Variants in XIRP2 observed in about 807,000 individuals in gnomAD.
XIRP2 encodes the protein xin actin-binding repeat-containing protein 2.
In XIRP2, 236 loss-of-function variants were observed where a neutral mutation model predicts 277.0. The observed-to-expected ratio is 0.85, with a 90% CI of 0.77 to 0.95. The LOEUF is 0.95. Ranked by LOEUF, XIRP2 falls within the 40% of genes least tolerant of loss-of-function variation. XIRP2 has a pLI of 0.00. For missense variants in XIRP2, 4,640 were observed against 4,157.5 expected (o/e 1.12, Z -3.19); for synonymous variants, 1,490 against 1,416.5 (o/e 1.05, Z -1.17).
Position 167,026,221 on chromosome 2 carries a change from G to A in XIRP2, c.409-109688G>A, listed in dbSNP as rs373223552. ...TTACCATTATGTAATGGCCTTCTTT[G>A]TCTCTTTTGAGCTTTGTTGGTTTGA... is the stretch of plus-strand genomic sequence containing the variant. On this transcript the variant is annotated intron_variant, in intron 2 of 10. Coordinates refer to ENST00000409195, the MANE Select transcript of XIRP2 (RefSeq NM_152381.6). Among the ~76,000 whole-genome samples, 8 of 152,050 alleles carry A rather than the reference G, an allele frequency of 5.3e-5. No homozygotes were observed. The East Asian group carries it at 9.6e-4, about 18-fold the overall frequency.
intron 2 of XIRP2, among the ~76,000 whole-genome samples, chr2:167,075,590 T>A (rs1689543959): frequency 1.3e-5 from 2 of 152,340 alleles, no homozygotes; most frequent in South Asian, 2.1e-4. Context: ...TAAAGCATTA[T>A]AATTTATAGC....
chr2:167,166,314 A>C (rs1385918602), intron 3 of XIRP2, among the ~76,000 whole-genome samples: 1 of 152,148 alleles, frequency 6.6e-6, no homozygotes, highest in Admixed American at 6.5e-5. Context: ...ATTGTAGTCT[A>C]AGGATAGACA....
intron 3 of XIRP2, among the ~76,000 whole-genome samples, chr2:167,153,085 G>A (rs1429195745): frequency 1.3e-5 from 2 of 152,062 alleles, no homozygotes; most frequent in African/African-American, 4.8e-5. Context: ...GCCCTCTGTG[G>A]AGTGTATCTC....
At chr2:166,908,389 G>A (rs563479895) in intron 2 of XIRP2, among the ~76,000 whole-genome samples, 152 of 152,270 alleles carry the variant, frequency 1.0e-3, no homozygotes, top group African/African-American at 3.3e-3. Context: ...TTTTTCATGT[G>A]TGTGTTGGCT....
At chr2:167,120,283 A>G (rs544008634) in intron 2 of XIRP2, among the ~76,000 whole-genome samples, 2 of 152,322 alleles carry the variant, frequency 1.3e-5, no homozygotes, top group African/African-American at 2.4e-5. Context: ...CAGACAGCAT[A>G]GTCGCCATGG....
Position 167,072,498 on chromosome 2 carries a change from T to C in XIRP2, c.409-63411T>C, listed in dbSNP as rs933327232. On this transcript the variant is annotated intron_variant, in intron 2 of 10. Transcript: ENST00000409195. The stretch of plus-strand genomic sequence containing the variant: ...TCCGCTGGTGTTCTGATTTTCTTTG[T>C]CATAGCAATGATTACACTTCCCTTA... 3.1e-4 allele frequency among the ~76,000 whole-genome samples: 47 copies of C among 152,180 alleles called. 1 individual carries two copies. Among genetic ancestry groups the C allele is most frequent in the Non-Finnish European group, 2.9e-5 (2 of 68,028 alleles).
intron 2 of XIRP2, among the ~76,000 whole-genome samples, chr2:166,909,173 T>C (rs1279085663): frequency 3.3e-5 from 5 of 152,196 alleles, no homozygotes; most frequent in Non-Finnish European, 5.9e-5. Flanking sequence ...GGTAGCTTGA[T>C]GGGGATGGCA....
chr2:167,042,049 G>C (rs549081997), intron 2 of XIRP2, among the ~76,000 whole-genome samples: 1 of 152,222 alleles, frequency 6.6e-6, no homozygotes, highest in South Asian at 2.1e-4. Flanking sequence ...CATCTTTAAA[G>C]AAAAGAAATT....
chr2:167,176,127 G>T lies in XIRP2; in HGVS notation c.563-34608G>T, dbSNP rs556425303. Among the ~76,000 whole-genome samples, 6 of 152,244 alleles carry T rather than the reference G, an allele frequency of 3.9e-5. No individual in the cohort carries two copies. In the South Asian group the frequency reaches 1.2e-3, roughly 32 times the overall value. On this transcript the variant is annotated intron_variant, in intron 3 of 10. Transcript: ENST00000409195. ...CAGCCCCCTTTCCAGGGGAGTGAAC[G>T]GTTCTGTCTCGTTGGCATTCCAGGT...
At chr2:167,199,096 A>T (rs961984292) in intron 3 of XIRP2, among the ~76,000 whole-genome samples, 3 of 152,208 alleles carry the variant, frequency 2.0e-5, no homozygotes, top group Non-Finnish European at 2.9e-5. Context: ...TGAGAGTTGG[A>T]TTTGATGATC....
intron 1 of XIRP2, among the ~76,000 whole-genome samples, chr2:166,892,409 A>C (rs530366360): frequency 1.3e-5 from 2 of 152,182 alleles, no homozygotes; most frequent in Non-Finnish European, 2.9e-5. Flanking sequence ...GAAAAGAGAC[A>C]TGTGTTGATC....
At chr2:167,103,416 T>G (rs990290066) in intron 2 of XIRP2, among the ~76,000 whole-genome samples, 3 of 152,200 alleles carry the variant, frequency 2.0e-5, no homozygotes, top group African/African-American at 7.2e-5. Context: ...GTTGTTGCTC[T>G]TGTTGCTGCT....
chr2:167,205,354 C>T (rs556776108), intron 3 of XIRP2, among the ~76,000 whole-genome samples: 1 of 152,020 alleles, frequency 6.6e-6, no homozygotes, highest in East Asian at 1.9e-4. Context: ...TTATACAAAC[C>T]TTATTAATTA....
At chr2:167,089,073 T>G (rs931841457) in intron 2 of XIRP2, among the ~76,000 whole-genome samples, 1 of 152,132 alleles carries the variant, frequency 6.6e-6, no homozygotes, top group African/African-American at 2.4e-5. Context: ...GCTACCACAA[T>G]CCTGTCAACT....
chr2:167,093,723 G>A (rs28781286), intron 2 of XIRP2, among the ~76,000 whole-genome samples: 6,705 of 152,166 alleles, frequency 0.044, 215 homozygotes, highest in Middle Eastern at 0.13. Flanking sequence ...ACATTGATGG[G>A]CATTTGGGTT....
chr2:167,247,992 G>T lies in XIRP2; in HGVS notation c.6600G>T (p.Lys2200Asn). Reference protein sequence around the residue: ...QETKYSNKDIKKKNINLQPMW... With the variant: ...QETKYSNKDINKKNINLQPMW... Reference sequence around the variant, plus strand: ...CAAAATATTCTAATAAGGATATAAAGAAAAAGAATATAAACCTTCAACCAA... The same window carrying T: ...CAAAATATTCTAATAAGGATATAAATAAAAAGAATATAAACCTTCAACCAA... The change falls in exon 9 of 11, where the codon AAG becomes AAT. Residue 2200 changes from lysine to asparagine, a missense_variant. By Grantham distance (94) the Lys-to-Asn change is moderately conservative. Transcript: ENST00000409195. The T allele has an allele frequency of 1.2e-6, 2 of 1,612,336 alleles. No homozygotes were observed. Among genetic ancestry groups the T allele is most frequent in the Non-Finnish European group, 1.7e-6 (2 of 1,179,388 alleles).
At chr2:167,219,355 C>T (rs1390416289) in intron 5 of XIRP2, among the ~76,000 whole-genome samples, 1 of 152,046 alleles carries the variant, frequency 6.6e-6, no homozygotes, top group East Asian at 1.9e-4. Context: ...ATGTAGGAGT[C>T]TTTGAGTGTA....
intron 3 of XIRP2, among the ~76,000 whole-genome samples, chr2:167,168,089 A>G (rs1246762128): frequency 2.0e-5 from 3 of 152,168 alleles, no homozygotes; most frequent in Non-Finnish European, 4.4e-5. Context: ...GACAAGTCAA[A>G]TATAATTCTT....
chr2:167,027,183 C>T lies in XIRP2; in HGVS notation c.409-108726C>T, dbSNP rs184526426. Among the ~76,000 whole-genome samples, 490 of 152,294 alleles carry T rather than the reference C, an allele frequency of 3.2e-3. 4 individuals are homozygous for T. The highest frequency in any genetic ancestry group is 0.011 in the African/African-American group (464 of 41,572). ...GGTCTTTTCACATAGTCCTATATTTCTTGGAGGCTTTGTTCATTTCTTTTT... is the reference window on the plus strand; with the variant it reads ...GGTCTTTTCACATAGTCCTATATTTTTTGGAGGCTTTGTTCATTTCTTTTT... On this transcript the variant is annotated intron_variant, in intron 2 of 10. Coordinates refer to ENST00000409195, the MANE Select transcript of XIRP2 (RefSeq NM_152381.6).
Sources: gnomAD v4.1 joint callset for allele counts (sites outside exome capture counted in the v4.1 genomes callset) on GRCh38, gnomAD v4.1.1 for gene constraint, MANE v1.5 for transcripts, NCBI Gene and HGNC (gene_info 2026-07-23, HGNC 2026-07-21) for gene names.